The following ERI3 variants were observed in gnomAD, a reference collection of about 807,000 sequenced individuals.
ERI3 encodes the protein ERI1 exoribonuclease 3.
In ERI3, 18 loss-of-function variants were observed where a neutral mutation model predicts 44.4. The observed-to-expected ratio is 0.41, with a 90% confidence interval of 0.28 to 0.60. The LOEUF is 0.60. ERI3 is among the 20% of genes least tolerant of loss of function. The pLI, the probability that ERI3 is intolerant of heterozygous loss-of-function variation, is 0.36. For missense variants in ERI3, 294 were observed against 435.5 expected (o/e 0.68, Z 2.89); for synonymous variants, 183 against 164.8 (o/e 1.11, Z -0.84).
chr1:44,322,922 T>C (rs1646233417), intron 3 of ERI3: 1 of 1,479,388 alleles, frequency 6.8e-7, no homozygotes, highest in Non-Finnish European at 9.0e-7. Flanking sequence ...CACTACAGGT[T>C]AGTGGCATTA....
rs546118656 is a variant in ERI3, at chr1:44,340,622, A to T, written c.212-1300T>A. ...CATCTCTCTCCTGACTCACTGAATG[A>T]GCTACAGTAACTTGCCTATATATAT... On this transcript the variant is annotated intron_variant, in intron 2 of 8. Transcript: ENST00000372257. Among the ~76,000 whole-genome samples, 83 of 152,222 alleles carry T rather than the reference A, an allele frequency of 5.5e-4. 1 individual carries two copies. Among genetic ancestry groups the T allele is most frequent in the Non-Finnish European group, 9.3e-4 (63 of 68,034 alleles).
rs778695345 is a variant in ERI3, at chr1:44,241,029, T to C, written c.931+6910A>G. Among the ~76,000 whole-genome samples, 2 of 152,130 alleles carry C rather than the reference T, an allele frequency of 1.3e-5. No individual in the cohort carries two copies. Among genetic ancestry groups the C allele is most frequent in the African/African-American group, 4.8e-5 (2 of 41,442 alleles). ...GGGCTGGCCCATGAAGTGTGGATTG[T>C]CCCATGAGTACTGTGGGCCTGAAAG... is the stretch of plus-strand genomic sequence containing the variant. On this transcript the variant is annotated intron_variant, in intron 8 of 8. Transcript: ENST00000372257. This position sits in a 1 kb window ranked among gnomAD's most constrained non-coding sequence, Gnocchi z 5.6.
At chr1:44,266,122 G>C (rs1044925729) in intron 7 of ERI3, among the ~76,000 whole-genome samples, 1 of 152,220 alleles carries the variant, frequency 6.6e-6, no homozygotes, top group Non-Finnish European at 1.5e-5. Context: ...CAAAGTCAGA[G>C]GAGGCTCTAG....
intron 3 of ERI3, among the ~76,000 whole-genome samples, chr1:44,320,711 C>G (rs114346327): frequency 9.2e-4 from 140 of 152,056 alleles, no homozygotes; most frequent in African/African-American, 3.3e-3. Flanking sequence ...ACCACTTTGA[C>G]ATTTTTATTA....
At chr1:44,223,552 C>G (rs1643956824) in intron 8 of ERI3, among the ~76,000 whole-genome samples, 2 of 152,132 alleles carry the variant, frequency 1.3e-5, no homozygotes, top group South Asian at 4.1e-4. Context: ...AAGAATAAGT[C>G]CCCTCGTTAT....
intron 6 of ERI3, among the ~76,000 whole-genome samples, chr1:44,300,481 A>C (rs1238410944): frequency 6.6e-6 from 1 of 152,188 alleles, no homozygotes; most frequent in Non-Finnish European, 1.5e-5. Flanking sequence ...TGAGGCACAA[A>C]GTCCTTCCAG....
chr1:44,237,095 C>T (rs1023464832), intron 8 of ERI3, among the ~76,000 whole-genome samples: 1 of 152,210 alleles, frequency 6.6e-6, no homozygotes, highest in Admixed American at 6.5e-5. Context: ...GTGAGAAGAC[C>T]TGCGTGAGCT....
At chr1:44,347,577 T>C (rs1646809919) in intron 2 of ERI3, among the ~76,000 whole-genome samples, 1 of 152,192 alleles carries the variant, frequency 6.6e-6, no homozygotes, top group South Asian at 2.1e-4. Flanking sequence ...ATCTCCCCCC[T>C]TTTGGTGGCT....
rs185339803 is a variant in ERI3, at chr1:44,253,478, C to G, written c.832-5440G>C. On this transcript the variant is annotated intron_variant, in intron 7 of 8. Transcript: ENST00000372257. ...GTTCCCTCTCCCTTTCCCAGGGAAC[C>G]CTTTTCCAGGTTCAGCCTAATACCA... is the stretch of plus-strand genomic sequence containing the variant. 3.3e-3 allele frequency among the ~76,000 whole-genome samples: 506 copies of G among 152,284 alleles called. 9 individuals carry two copies. Among genetic ancestry groups the G allele is most frequent in the African/African-American group, 0.012 (482 of 41,546 alleles).
intron 3 of ERI3, among the ~76,000 whole-genome samples, chr1:44,324,937 T>C (rs1208906320): frequency 6.6e-6 from 1 of 152,214 alleles, no homozygotes; most frequent in Non-Finnish European, 1.5e-5. Flanking sequence ...GTTCCAAACC[T>C]ATTGTACCTA....
intron 3 of ERI3, among the ~76,000 whole-genome samples, chr1:44,336,407 G>C (rs1303598383): frequency 6.6e-6 from 1 of 152,186 alleles, no homozygotes; most frequent in African/African-American, 2.4e-5. Flanking sequence ...TGGTCTGATG[G>C]GTAGTCCAAC....
intron 7 of ERI3, among the ~76,000 whole-genome samples, chr1:44,278,608 T>A (rs1645226219): frequency 6.6e-6 from 1 of 152,174 alleles, no homozygotes; most frequent in African/African-American, 2.4e-5. Flanking sequence ...AATTAATTAA[T>A]TTTTTTGAGA....
chr1:44,353,295 G>A (rs1646934099), intron 1 of ERI3: 1 of 985,248 alleles, frequency 1.0e-6, no homozygotes, highest in Non-Finnish European at 1.2e-6. Flanking sequence ...CCAGGACTGG[G>A]GTAGGGGTTG....
intron 6 of ERI3, among the ~76,000 whole-genome samples, chr1:44,291,661 C>G (rs1041548270): frequency 1.3e-5 from 2 of 152,324 alleles, no homozygotes; most frequent in East Asian, 3.9e-4. Context: ...AAAAGGCTGG[C>G]TCCACCTCCA....
At chr1:44,224,206 A>C (rs1042826207) in intron 8 of ERI3, among the ~76,000 whole-genome samples, 3 of 152,220 alleles carry the variant, frequency 2.0e-5, no homozygotes, top group Admixed American at 6.5e-5. Flanking sequence ...TCTTACAGCC[A>C]AACTGATCTT....
intron 7 of ERI3, among the ~76,000 whole-genome samples, chr1:44,249,455 C>T (rs1644629212): frequency 6.6e-6 from 1 of 152,198 alleles, no homozygotes; most frequent in African/African-American, 2.4e-5. Context: ...GCCCAGGGCC[C>T]AGATTCTGTG....
chr1:44,277,481 G>A (rs1375597282), intron 7 of ERI3, among the ~76,000 whole-genome samples: 1 of 152,128 alleles, frequency 6.6e-6, no homozygotes, highest in Non-Finnish European at 1.5e-5. Flanking sequence ...TGAAAAAGTT[G>A]AAGTTTCTCC....
chr1:44,347,320 A>T (rs2154332126), intron 2 of ERI3, among the ~76,000 whole-genome samples: 1 of 152,350 alleles, frequency 6.6e-6, no homozygotes, highest in African/African-American at 2.4e-5. Flanking sequence ...CAAGAGCAGA[A>T]TTAAAAGAAC....
At chr1:44,224,416 CA>C (rs1307763388) in intron 8 of ERI3, among the ~76,000 whole-genome samples, 1 of 152,212 alleles carries the variant, frequency 6.6e-6, no homozygotes, top group Non-Finnish European at 1.5e-5. Flanking sequence ...CTGAAAATGA[CA>C]AAGTGGGTTT....
Sources: gnomAD v4.1 joint callset for allele counts (sites outside exome capture counted in the v4.1 genomes callset) on GRCh38, gnomAD v4.1.1 for gene constraint, Gnocchi (gnomAD v3.1) non-coding constraint, MANE v1.5 for transcripts, NCBI Gene and HGNC (gene_info 2026-07-23, HGNC 2026-07-21) for gene names.